Variants in FHIT observed in about 807,000 individuals in gnomAD.
FHIT encodes the protein fragile histidine triad diadenosine triphosphatase.
A neutral mutation model predicts 17.9 loss-of-function variants in FHIT; 19 were observed. That is an observed-to-expected ratio of 1.06 (90% confidence interval 0.74 to 1.56). The LOEUF (loss-of-function observed/expected upper bound fraction) is 1.56. Ranked by LOEUF, FHIT falls within the 40% of genes most tolerant of loss-of-function variation. FHIT has a pLI of 0.00. For missense variants in FHIT, 248 were observed against 189.2 expected, an observed-to-expected ratio of 1.31 and a Z score of -1.82; for synonymous variants, 81 against 69.7, an observed-to-expected ratio of 1.16 and a Z score of -0.81.
intron 8 of FHIT, among the ~76,000 whole-genome samples, chr3:59,766,747 T>C (rs1021379116): frequency 2.0e-5 from 3 of 152,218 alleles, no homozygotes; most frequent in Non-Finnish European, 2.9e-5. Context: ...CTCCATTTCT[T>C]CTGCCTATCA....
intron 8 of FHIT, among the ~76,000 whole-genome samples, chr3:59,825,227 C>T (rs1700934569): frequency 6.6e-6 from 1 of 152,170 alleles, no homozygotes; most frequent in Admixed American, 6.5e-5. Flanking sequence ...CATATTTCTT[C>T]TCCAGATGGA....
chr3:60,817,958 T>C (rs902095132), intron 4 of FHIT, among the ~76,000 whole-genome samples: 7 of 152,054 alleles, frequency 4.6e-5, no homozygotes, highest in East Asian at 1.9e-4. Context: ...AGTCTTTTTT[T>C]CTGTCTGTTC....
chr3:60,707,519 C>T (rs1370413056), intron 4 of FHIT, among the ~76,000 whole-genome samples: 4 of 152,114 alleles, frequency 2.6e-5, no homozygotes, highest in African/African-American at 9.7e-5. Flanking sequence ...AATCACTTCC[C>T]TAGGCTCTAG....
chr3:60,307,861 C>CTTTA (rs3052772), intron 5 of FHIT, among the ~76,000 whole-genome samples: 1 of 151,994 alleles, frequency 6.6e-6, no homozygotes, highest in South Asian at 2.1e-4. Flanking sequence ...GGACACTGCT[C>CTTTA]TGAGACACAT....
chr3:60,284,662 A>AT (rs781014211), intron 5 of FHIT, among the ~76,000 whole-genome samples: 1 of 152,046 alleles, frequency 6.6e-6, no homozygotes, highest in Non-Finnish European at 1.5e-5. Context: ...AGACATTCCC[A>AT]TTTTTTTATG....
At chr3:61,238,321 A>C (rs2040282880) in intron 1 of FHIT, among the ~76,000 whole-genome samples, 1 of 152,188 alleles carries the variant, frequency 6.6e-6, no homozygotes, top group South Asian at 2.1e-4. Context: ...TCAGTAACAG[A>C]AGATGGCCCA....
At chr3:60,829,522 T>A (rs936522401) in intron 3 of FHIT, among the ~76,000 whole-genome samples, 1 of 152,178 alleles carries the variant, frequency 6.6e-6, no homozygotes, top group Non-Finnish European at 1.5e-5. Flanking sequence ...GTAAACAGCC[T>A]CAGCCTCAAA....
intron 3 of FHIT, among the ~76,000 whole-genome samples, chr3:60,884,775 T>C (rs1228857731): frequency 2.0e-5 from 3 of 151,434 alleles, no homozygotes; most frequent in African/African-American, 7.3e-5. Context: ...TATAAAAAAA[T>C]TAACTGGCTG....
At chr3:59,777,467 A>G (rs554336872) in intron 8 of FHIT, among the ~76,000 whole-genome samples, 2 of 152,082 alleles carry the variant, frequency 1.3e-5, no homozygotes, top group Non-Finnish European at 2.9e-5. Context: ...CTCGAGCCAA[A>G]AACCAGCAAT....
chr3:61,048,641 G>C (rs1480702011), intron 2 of FHIT, among the ~76,000 whole-genome samples: 1 of 152,128 alleles, frequency 6.6e-6, no homozygotes, highest in Non-Finnish European at 1.5e-5. Flanking sequence ...TATACCCAAA[G>C]GATTATAAAT....
chr3:60,854,158 G>T (rs557306500), intron 3 of FHIT, among the ~76,000 whole-genome samples: 1 of 152,170 alleles, frequency 6.6e-6, no homozygotes, highest in African/African-American at 2.4e-5. Flanking sequence ...ACAAGCATAT[G>T]GTAACACTGA....
intron 5 of FHIT, among the ~76,000 whole-genome samples, chr3:60,126,008 T>C (rs1466938587): frequency 1.3e-5 from 2 of 152,172 alleles, no homozygotes; most frequent in African/African-American, 4.8e-5. Flanking sequence ...CTATGTGGAC[T>C]ACACTGACAG....
intron 1 of FHIT, among the ~76,000 whole-genome samples, chr3:61,216,704 T>C (rs551303294): frequency 2.0e-5 from 3 of 152,318 alleles, no homozygotes; most frequent in Admixed American, 6.5e-5. Context: ...CGTATGTTTA[T>C]TGCAGCACTA....
chr3:61,113,773 C>T (rs1004601524), intron 2 of FHIT, among the ~76,000 whole-genome samples: 1 of 152,064 alleles, frequency 6.6e-6, no homozygotes, highest in East Asian at 1.9e-4. Flanking sequence ...AGCGGATGCT[C>T]GATAAACATT....
At chr3:59,875,155 G>A (rs183646021) in intron 8 of FHIT, among the ~76,000 whole-genome samples, 17 of 152,244 alleles carry the variant, frequency 1.1e-4, no homozygotes, top group African/African-American at 2.6e-4. Flanking sequence ...TGACAACCAC[G>A]TCTGCAGGGG....
chr3:60,030,459 A>G (rs1330287386), intron 5 of FHIT, among the ~76,000 whole-genome samples: 1 of 152,212 alleles, frequency 6.6e-6, no homozygotes, highest in Non-Finnish European at 1.5e-5. Context: ...AGGTTAGGAC[A>G]GATGTCACCT....
intron 4 of FHIT, among the ~76,000 whole-genome samples, chr3:60,660,655 G>A (rs2040218645): frequency 6.9e-6 from 1 of 145,374 alleles, no homozygotes; most frequent in African/African-American, 2.5e-5. Context: ...TAATAGATGG[G>A]TAATGATATC....
chr3:61,088,573 C>G (rs948219152), intron 2 of FHIT, among the ~76,000 whole-genome samples: 12 of 152,070 alleles, frequency 7.9e-5, no homozygotes. Flanking sequence ...TCATCAAAAT[C>G]TGGGAGAAAA....
rs1037636901 is a variant in FHIT at position 61,213,491 on chromosome 3, C to T, written c.-212-12826G>A. On this transcript the variant is annotated intron_variant, in intron 1 of 9. Coordinates refer to ENST00000492590, the MANE Select transcript of FHIT (RefSeq NM_002012.4). Reference sequence around the variant, plus strand: ...TATATATGCATCCAATACAGGAGCACCCAGATTCATAAAGCAAGTCCTGAG... The same window carrying T: ...TATATATGCATCCAATACAGGAGCATCCAGATTCATAAAGCAAGTCCTGAG... Among the ~76,000 whole-genome samples the T allele has an allele frequency of 2.6e-5, 4 of 152,286 alleles. No individual in the cohort carries two copies. In the South Asian group the frequency reaches 6.2e-4, roughly 24 times the overall value.
Sources: allele counts gnomAD v4.1 joint callset (sites outside exome capture counted in the v4.1 genomes callset), GRCh38; gene constraint gnomAD v4.1.1; transcripts MANE v1.5; gene names NCBI Gene and HGNC (gene_info 2026-07-23, HGNC 2026-07-21).